CLIP2: variants seen among roughly 807,000 people sequenced by gnomAD.
CLIP2 encodes the protein CAP-Gly domain containing linker protein 2.
In CLIP2, 41 loss-of-function variants were observed where a neutral mutation model predicts 111.7. The ratio of observed to expected loss-of-function variants is 0.37; its 90% CI spans 0.29 to 0.48. The LOEUF (loss-of-function observed/expected upper bound fraction) is 0.48. CLIP2 is among the 20% of genes least tolerant of loss of function. CLIP2 has a pLI of 0.99. For missense variants in CLIP2, 1,160 were observed against 1,422.1 expected (o/e 0.82, Z 2.96); for synonymous variants, 660 against 644.2 (o/e 1.02, Z -0.37).
intron 1 of CLIP2, among the ~76,000 whole-genome samples, chr7:74,313,077 A>C (rs1021480528): frequency 6.6e-6 from 1 of 151,560 alleles, no homozygotes; most frequent in Non-Finnish European, 1.5e-5. Context: ...GCACTTTGGG[A>C]GGCTGAGGTG....
intron 3 of CLIP2, among the ~76,000 whole-genome samples, chr7:74,341,118 C>T (rs368909064): frequency 3.9e-5 from 6 of 152,118 alleles, no homozygotes; most frequent in East Asian, 3.8e-4. Flanking sequence ...TGCTGTGATG[C>T]TGCGATGTGG....
intron 1 of CLIP2, among the ~76,000 whole-genome samples, chr7:74,302,716 T>C (rs932122391): frequency 2.0e-5 from 3 of 152,206 alleles, no homozygotes; most frequent in Admixed American, 1.3e-4. Flanking sequence ...GTCCACACTA[T>C]CCACTGTGGT....
At chr7:74,380,693 G>T in intron 10 of CLIP2, 113 bp from the exon 11 acceptor site, 1 of 812,148 alleles carries the variant, frequency 1.2e-6, no homozygotes, top group Non-Finnish European at 2.0e-6. Flanking sequence ...CGTCACTGAG[G>T]TCCCCCTTTG....
intron 1 of CLIP2, among the ~76,000 whole-genome samples, chr7:74,315,508 G>A (rs925280523): frequency 6.6e-6 from 1 of 152,026 alleles, no homozygotes; most frequent in Non-Finnish European, 1.5e-5. Flanking sequence ...GCCCCCCAAA[G>A]TGCTGGGATT....
At chr7:74,305,185 C>T (rs950619790) in intron 1 of CLIP2, among the ~76,000 whole-genome samples, 1 of 57,124 alleles carries the variant, frequency 1.8e-5, no homozygotes, top group East Asian at 5.1e-4. Context: ...TCCGTGCCCA[C>T]CCACCCACTG....
At chr7:74,382,076 G>A (rs1554313999) in intron 11 of CLIP2, among the ~76,000 whole-genome samples, 2 of 140,050 alleles carry the variant, frequency 1.4e-5, no homozygotes, top group Non-Finnish European at 3.2e-5. Flanking sequence ...AAGTTAAGAG[G>A]TATTTCTATT....
rs142629570 is a variant in CLIP2, at chr7:74,338,831, C to T, written c.505C>T (p.Leu169=). ...HSVESLTAQN[L]SLHSGTATPP... Reference sequence around the variant, plus strand: ...CGTGGAGTCGCTGACTGCCCAGAACCTGTCATTGCATTCGGGCACGGCCAC... The same window carrying T: ...CGTGGAGTCGCTGACTGCCCAGAACTTGTCATTGCATTCGGGCACGGCCAC... Residue 169 remains leucine, a synonymous_variant, in exon 3 of 17, where the codon CTG becomes TTG. Coordinates refer to ENST00000223398, the MANE Select transcript of CLIP2 (RefSeq NM_003388.5). This position sits in a 1 kb window ranked among gnomAD's most constrained non-coding sequence, Gnocchi z 4.3. 1.6e-4 allele frequency: 263 copies of T among 1,611,028 alleles called. No individual in the cohort carries two copies. The Admixed American group carries it at 3.1e-3, about 19-fold the overall frequency.
chr7:74,365,548 GGCTGGCTCT>G (rs1267071778), intron 8 of CLIP2, among the ~76,000 whole-genome samples: 2 of 152,194 alleles, frequency 1.3e-5, no homozygotes, highest in Non-Finnish European at 2.9e-5. Context: ...CCAATGGGCT[GGCTGGCTCT>G]GGATAGGGGT....
intron 1 of CLIP2, among the ~76,000 whole-genome samples, chr7:74,313,477 A>T (rs1223324113): frequency 2.6e-5 from 4 of 151,222 alleles, no homozygotes; most frequent in African/African-American, 4.9e-5. Context: ...GGAGAATGGC[A>T]TGAACCCGGA....
rs1191665644 is a variant in CLIP2, at chr7:74,347,096, C to G, written c.679-6784C>G. 2.0e-5 allele frequency among the ~76,000 whole-genome samples: 3 copies of G among 152,026 alleles called. No individual in the cohort carries two copies. The South Asian group carries it at 6.2e-4, about 31-fold the overall frequency. On this transcript the variant is annotated intron_variant, in intron 3 of 16. Transcript: ENST00000223398. ...TTAGATCCCTTGCCCCGTCCCCGTT[C>G]CTGCCTTGCCTGATGACTACTCGTT...
At position 74,376,884 on chromosome 7, in the gene CLIP2, C is replaced by A; in HGVS notation, c.2421+62C>A. 2 of 1,413,870 alleles carry A rather than the reference C, an allele frequency of 1.4e-6. No homozygotes were observed. Among genetic ancestry groups the A allele is most frequent in the Admixed American group, 5.0e-5 (2 of 39,896 alleles). The allele number at this position is 1,413,870 out of a possible 1,614,324, so 87.6% of individuals were successfully genotyped here. ...GGGCTGGGGAGGGCTTGGCCTTTTG[C>A]TGACCTCTGTTCTGCAGCCCAGGAA... On this transcript the variant is annotated intron_variant, in intron 10 of 16. Coordinates refer to ENST00000223398, the MANE Select transcript of CLIP2 (RefSeq NM_003388.5). The surrounding 1 kb of genome is among the most constrained non-coding windows in gnomAD (Gnocchi z 7.1).
At chr7:74,356,053 C>T (rs1790134585) in intron 4 of CLIP2, among the ~76,000 whole-genome samples, 1 of 152,152 alleles carries the variant, frequency 6.6e-6, no homozygotes, top group South Asian at 2.1e-4. Context: ...GTTATTTAAC[C>T]TCTCTGAGCC....
chr7:74,362,528 CTT>C (rs3044338), intron 7 of CLIP2, among the ~76,000 whole-genome samples: 3 of 121,974 alleles, frequency 2.5e-5, no homozygotes, highest in Non-Finnish European at 3.3e-5. Context: ...TTTTTCTTTT[CTT>C]TTTTTTTTTT....
chr7:74,379,656 C>T (rs1338872132), intron 10 of CLIP2, among the ~76,000 whole-genome samples: 4 of 151,922 alleles, frequency 2.6e-5, no homozygotes, highest in East Asian at 1.9e-4. Flanking sequence ...CCCAGCTACT[C>T]GGGAGGCTGA....
At chr7:74,366,219 T>G (rs1442590654) in intron 8 of CLIP2, among the ~76,000 whole-genome samples, 2 of 152,034 alleles carry the variant, frequency 1.3e-5, no homozygotes, top group Non-Finnish European at 2.9e-5. Flanking sequence ...TTCCCTCCTG[T>G]CCACACTGCC....
At chr7:74,294,918 G>GTAGTCTGAAGGGCT (rs1247312974) in intron 1 of CLIP2, among the ~76,000 whole-genome samples, 8 of 152,228 alleles carry the variant, frequency 5.3e-5, no homozygotes, top group African/African-American at 1.9e-4. Flanking sequence ...GGTGGGTGGG[G>GTAGTCTGAAGGGCT]TAGTCTGAAG....
intron 14 of CLIP2, among the ~76,000 whole-genome samples, chr7:74,398,945 G>A (rs1354402642): frequency 1.3e-5 from 2 of 152,210 alleles, no homozygotes; most frequent in Non-Finnish European, 2.9e-5. Flanking sequence ...AAGTTTACTT[G>A]GGAAGTGGCG....
intron 1 of CLIP2, among the ~76,000 whole-genome samples, chr7:74,307,911 G>A (rs1788539041): frequency 6.6e-6 from 1 of 152,170 alleles, no homozygotes; most frequent in African/African-American, 2.4e-5. Flanking sequence ...GCGGCTGTAG[G>A]TGTGTTGTCG....
chr7:74,402,551 G>A (rs934626135), intron 16 of CLIP2, among the ~76,000 whole-genome samples: 15 of 152,166 alleles, frequency 9.9e-5, no homozygotes, highest in African/African-American at 3.1e-4. Context: ...AATTAGCTAG[G>A]TGTGGTGGCG....
Sources: allele counts gnomAD v4.1 joint callset (sites outside exome capture counted in the v4.1 genomes callset), GRCh38; gene constraint gnomAD v4.1.1; non-coding constraint Gnocchi (gnomAD v3.1); transcripts MANE v1.5; gene names NCBI Gene and HGNC (gene_info 2026-07-23, HGNC 2026-07-21).